Variants in CLMP observed in about 807,000 individuals in gnomAD.
The protein encoded by CLMP is CXADR like cell adhesion molecule.
CLMP carries 27 observed loss-of-function variants against 45.2 expected under a neutral mutation model. The ratio of observed to expected loss-of-function variants is 0.60; its 90% CI spans 0.44 to 0.82. The LOEUF is 0.82. Ranked by LOEUF, CLMP falls within the 40% of genes least tolerant of loss-of-function variation. The probability of loss-of-function intolerance (pLI) is 0.00; values close to 1 mark genes in which losing one functional copy is unlikely to be tolerated. For synonymous variants in CLMP, 167 were observed against 171.4 expected, an observed-to-expected ratio of 0.97 and a Z score of 0.20; for missense variants, 403 against 448.4, an observed-to-expected ratio of 0.90 and a Z score of 0.91.
At chr11:123,126,769 C>T (rs968820045) in intron 1 of CLMP, among the ~76,000 whole-genome samples, 1 of 151,820 alleles carries the variant, frequency 6.6e-6, no homozygotes, top group Admixed American at 6.6e-5. Flanking sequence ...TGGTGGTGGG[C>T]GCCTGTAGTC....
intron 1 of CLMP, among the ~76,000 whole-genome samples, chr11:123,189,263 G>A (rs542488119): frequency 5.3e-5 from 8 of 152,202 alleles, no homozygotes; most frequent in Non-Finnish European, 1.2e-4. Flanking sequence ...CAGTAACACA[G>A]AGCCTTGATT....
At chr11:123,079,798 C>A (rs1462246675) in intron 5 of CLMP, among the ~76,000 whole-genome samples, 1 of 152,170 alleles carries the variant, frequency 6.6e-6, no homozygotes, top group Non-Finnish European at 1.5e-5. Flanking sequence ...GACAAAAGAA[C>A]TACAGAACTT....
At chr11:123,080,681 A>C (rs1205989173) in intron 5 of CLMP, among the ~76,000 whole-genome samples, 2 of 152,196 alleles carry the variant, frequency 1.3e-5, no homozygotes, top group Non-Finnish European at 2.9e-5. Context: ...ACATATTTTT[A>C]AAACCACCAG....
At chr11:123,177,955 C>A (rs533946089) in intron 1 of CLMP, among the ~76,000 whole-genome samples, 19 of 152,118 alleles carry the variant, frequency 1.2e-4, no homozygotes, top group African/African-American at 4.6e-4. Flanking sequence ...CTCCGCCTCC[C>A]GGGTTCAAGC....
At chr11:123,090,487 G>A (rs190745160) in intron 2 of CLMP, among the ~76,000 whole-genome samples, 4 of 152,014 alleles carry the variant, frequency 2.6e-5, no homozygotes, top group Non-Finnish European at 2.9e-5. Context: ...GAAGTCAAAT[G>A]ATCTCCAAAC....
chr11:123,087,555 G>A (rs1211176875), intron 2 of CLMP, among the ~76,000 whole-genome samples: 1 of 151,754 alleles, frequency 6.6e-6, no homozygotes, highest in Non-Finnish European at 1.5e-5. Flanking sequence ...CGGTGCAGTG[G>A]CTCATGCCTG....
In CLMP at chr11:123,133,796, C is replaced by A. The variant is rs187380092; in HGVS notation, c.29-35844G>T. On this transcript the variant is annotated intron_variant, in intron 1 of 6. Coordinates refer to ENST00000448775, the MANE Select transcript of CLMP (RefSeq NM_024769.5). ...GTGTTCTTGTCTGTGAAGACAGGAA[C>A]ACTGAGACGAATCTGAGCGGGGAGG... is the stretch of plus-strand genomic sequence containing the variant. Among the ~76,000 whole-genome samples the A allele has an allele frequency of 2.3e-4, 35 of 152,246 alleles. No homozygotes were observed. The East Asian group carries it at 5.0e-3, about 22-fold the overall frequency.
At chr11:123,171,826 G>C (rs1200399320) in intron 1 of CLMP, among the ~76,000 whole-genome samples, 2 of 152,140 alleles carry the variant, frequency 1.3e-5, no homozygotes. Flanking sequence ...GATGTTTAAA[G>C]TAATACTTTA....
chr11:123,109,058 T>C (rs1352338518), intron 1 of CLMP, among the ~76,000 whole-genome samples: 3 of 80,834 alleles, frequency 3.7e-5, no homozygotes, highest in African/African-American at 1.5e-4. Context: ...AAACTCTGTC[T>C]CAAAAAAAAA....
chr11:123,084,418 A>C, intron 3 of CLMP, 94 bp downstream of exon 3: 1 of 1,007,204 alleles, frequency 9.9e-7, no homozygotes, highest in Non-Finnish European at 1.5e-6. Context: ...AAAGTACTGA[A>C]CATGATGTTT....
At chr11:123,088,720 G>T (rs1865893259) in intron 2 of CLMP, among the ~76,000 whole-genome samples, 1 of 152,130 alleles carries the variant, frequency 6.6e-6, no homozygotes, top group Admixed American at 6.6e-5. Context: ...CCGCCTCCTG[G>T]GTTCAAGCGA....
intron 1 of CLMP, among the ~76,000 whole-genome samples, chr11:123,187,040 T>C (rs1861844203): frequency 1.3e-5 from 2 of 152,164 alleles, no homozygotes; most frequent in African/African-American, 4.8e-5. Context: ...TCATTTACTA[T>C]TTATTACGTA....
At chr11:123,084,079 G>C (rs1307555650) in intron 3 of CLMP, among the ~76,000 whole-genome samples, 1 of 152,196 alleles carries the variant, frequency 6.6e-6, no homozygotes, top group Non-Finnish European at 1.5e-5. Context: ...TTTTGGGGCA[G>C]AGGCTGCCTC....
chr11:123,159,462 C>A (rs1363491684), intron 1 of CLMP, among the ~76,000 whole-genome samples: 1 of 152,168 alleles, frequency 6.6e-6, no homozygotes, highest in Admixed American at 6.5e-5. Context: ...GGGGTACCCT[C>A]CAGGCAGCAT....
In CLMP at chr11:123,106,892, C is replaced by T. The variant is rs566079843; in HGVS notation, c.29-8940G>A. Among the ~76,000 whole-genome samples the T allele has an allele frequency of 3.5e-3, 534 of 151,696 alleles. 14 individuals are homozygous for T. The East Asian group carries it at 0.088, about 25-fold the overall frequency. ...AAAATTAGCCCGGCGAGGTGGTGGGCGCCTGTAGTCCCAGCTACTCGGGAG... is the reference window on the plus strand; with the variant it reads ...AAAATTAGCCCGGCGAGGTGGTGGGTGCCTGTAGTCCCAGCTACTCGGGAG... On this transcript the variant is annotated intron_variant, in intron 1 of 6. Coordinates refer to ENST00000448775, the MANE Select transcript of CLMP (RefSeq NM_024769.5).
intron 1 of CLMP, among the ~76,000 whole-genome samples, chr11:123,187,061 C>T (rs751320909): frequency 2.6e-5 from 4 of 152,160 alleles, no homozygotes; most frequent in African/African-American, 9.7e-5. Flanking sequence ...CCAAGCAGAG[C>T]GTTAAAACTC....
intron 2 of CLMP, among the ~76,000 whole-genome samples, chr11:123,097,431 G>A (rs904836918): frequency 1.3e-5 from 2 of 152,014 alleles, no homozygotes; most frequent in South Asian, 2.1e-4. Context: ...TCCACCTCTG[G>A]GGTTTAAGCA....
At chr11:123,092,623 A>G (rs1865945393) in intron 2 of CLMP, among the ~76,000 whole-genome samples, 1 of 144,730 alleles carries the variant, frequency 6.9e-6, no homozygotes, top group South Asian at 2.2e-4. Flanking sequence ...TTTGAGACAG[A>G]GACTCTCTCT....
intron 1 of CLMP, among the ~76,000 whole-genome samples, chr11:123,177,917 C>T (rs907710987): frequency 3.3e-5 from 5 of 152,154 alleles, no homozygotes; most frequent in Non-Finnish European, 7.3e-5. Flanking sequence ...GTCTGGAGTG[C>T]AGTGGCACGA....
Sources: gnomAD v4.1 joint callset for allele counts (sites outside exome capture counted in the v4.1 genomes callset) on GRCh38, gnomAD v4.1.1 for gene constraint, MANE v1.5 for transcripts, NCBI Gene and HGNC (gene_info 2026-07-23, HGNC 2026-07-21) for gene names.